The following PDS5B variants were observed in gnomAD, a reference collection of about 807,000 sequenced individuals.
PDS5B encodes the protein sister chromatid cohesion protein PDS5 homolog B.
In PDS5B, 51 loss-of-function variants were observed where a neutral mutation model predicts 184.1. The ratio of observed to expected loss-of-function variants is 0.28; its 90% confidence interval spans 0.22 to 0.35. The LOEUF is 0.35. Among genes scored for constraint, PDS5B ranks in the 10% least tolerant of loss-of-function variants. The probability of loss-of-function intolerance (pLI) is 1.00; values close to 1 mark genes in which losing one functional copy is unlikely to be tolerated. For synonymous variants in PDS5B, 566 were observed against 569.2 expected (o/e 0.99, Z 0.08); for missense variants, 1,180 against 1,723.3 (o/e 0.68, Z 5.58).
intron 18 of PDS5B, among the ~76,000 whole-genome samples, 192 bp downstream of exon 18, chr13:32,707,231 G>C (rs1952052077): frequency 1.3e-5 from 2 of 152,074 alleles, no homozygotes; most frequent in Admixed American, 1.3e-4. Context: ...TTTAAATGCT[G>C]TAATCTAGCC....
At chr13:32,643,070 G>C (rs937740112) in intron 1 of PDS5B, among the ~76,000 whole-genome samples, 2 of 152,166 alleles carry the variant, frequency 1.3e-5, no homozygotes, top group African/African-American at 4.8e-5. Flanking sequence ...TTGTATAGCT[G>C]TGGTCTGTGG....
At chr13:32,635,031 C>A (rs208414) in intron 1 of PDS5B, among the ~76,000 whole-genome samples, 101,227 of 144,092 alleles carry the variant, frequency 0.7, 36,056 homozygotes, top group African/African-American at 0.82. Context: ...TTAAAGAGGC[C>A]GGGCCTTACT....
intron 24 of PDS5B, among the ~76,000 whole-genome samples, chr13:32,747,957 A>G (rs751358892): frequency 2.6e-5 from 4 of 152,216 alleles, no homozygotes; most frequent in South Asian, 4.1e-4. Flanking sequence ...ACTGACTTCT[A>G]AGGACTTCCT....
chr13:32,663,103 AAAC>A lies in PDS5B; in HGVS notation c.624+3829_624+3831del, dbSNP rs759923020. 6.6e-5 allele frequency among the ~76,000 whole-genome samples: 10 copies of A among 152,260 alleles called. No individual in the cohort carries two copies. The East Asian group carries it at 1.3e-3, about 21-fold the overall frequency. On this transcript the variant is annotated intron_variant, in intron 6 of 34. Coordinates refer to ENST00000315596, the MANE Select transcript of PDS5B (RefSeq NM_015032.4). ...CCTATAAAACAAAACTCTTCTTTTC[AAAC>A]AACAATAGCAACGATAATAGCAGCA...
At chr13:32,721,436 C>T (rs1003212106) in intron 19 of PDS5B, among the ~76,000 whole-genome samples, 2 of 151,886 alleles carry the variant, frequency 1.3e-5, no homozygotes, top group Non-Finnish European at 1.5e-5. Flanking sequence ...AGGGGCTCCT[C>T]ACTTCTCAGA....
Position 32,773,191 on chromosome 13 carries a change from G to A in PDS5B, c.4175G>A (p.Arg1392His), listed in dbSNP as rs747642036. ...GTTTTACATGTGTTTTACTCTAGCC[G>A]TGTAGGACGCTCCAAACAAGCAGCT... ...PSPSQPKKNV[R>H]VGRSKQAATK... Residue 1392 changes from arginine to histidine, a missense_variant and splice_region_variant, in exon 34 of 35, where the codon CGT becomes CAT. By Grantham distance (29) the Arg-to-His change is conservative (BLOSUM62 0). Around this residue, in one of 11 missense-constraint regions of PDS5B, gnomAD observed 465 missense variants for 497.8 expected, o/e 0.93. Transcript: ENST00000315596. 7.5e-6 allele frequency: 12 copies of A among 1,610,170 alleles called. No individual in the cohort carries two copies. In the African/African-American group the frequency reaches 1.2e-4, roughly 16 times the overall value.
intron 9 of PDS5B, among the ~76,000 whole-genome samples, chr13:32,678,292 A>T (rs1261327921): frequency 3.9e-5 from 6 of 152,200 alleles, no homozygotes; most frequent in African/African-American, 1.4e-4. Flanking sequence ...TAATGTAAAA[A>T]GTGGCCTTGC....
In PDS5B at chr13:32,587,314, C is replaced by T. The variant is rs970496255; in HGVS notation, c.-20+721C>T. The stretch of plus-strand genomic sequence containing the variant: ...CCACCCCGAGTGGTCCCCGAGCAGC[C>T]AGTTGAGGAAGAGCCCAGCACTGGC... On this transcript the variant is annotated intron_variant, in intron 1 of 34. Transcript: ENST00000315596. Among the ~76,000 whole-genome samples, 105 of 152,192 alleles carry T rather than the reference C, an allele frequency of 6.9e-4. 1 individual carries two copies. The highest frequency in any genetic ancestry group is 2.4e-3 in the African/African-American group (99 of 41,562).
chr13:32,673,960 C>G (rs1593395060), intron 8 of PDS5B, among the ~76,000 whole-genome samples: 1 of 152,044 alleles, frequency 6.6e-6, no homozygotes, highest in South Asian at 2.1e-4. Context: ...GGACTACAGG[C>G]TGTGCCACCA....
chr13:32,686,308 A>C (rs774313500), intron 11 of PDS5B, among the ~76,000 whole-genome samples: 1 of 152,248 alleles, frequency 6.6e-6, no homozygotes, highest in African/African-American at 2.4e-5. Context: ...GATGTACAGA[A>C]TGGACCACTG....
chr13:32,683,857 T>G, intron 10 of PDS5B, 21 bp from the exon 11 acceptor site: 2 of 1,532,204 alleles, frequency 1.3e-6, no homozygotes, highest in Non-Finnish European at 1.8e-6. Context: ...ATTTCCACTG[T>G]AATAAAATGT....
chr13:32,719,767 C>T (rs1360735705), intron 19 of PDS5B, among the ~76,000 whole-genome samples: 1 of 151,054 alleles, frequency 6.6e-6, no homozygotes, highest in African/African-American at 2.5e-5. Context: ...AGGTTAATAC[C>T]TGCAATGTAT....
intron 19 of PDS5B, among the ~76,000 whole-genome samples, chr13:32,722,165 G>A (rs1368328913): frequency 2.0e-5 from 3 of 152,236 alleles, no homozygotes; most frequent in Non-Finnish European, 4.4e-5. Context: ...GACCAGCCCA[G>A]CCAACACGGC....
rs1422279751 is a variant in PDS5B at position 32,588,977 on chromosome 13, C to G, written c.-20+2384C>G. Among the ~76,000 whole-genome samples, 9 of 152,308 alleles carry G rather than the reference C, an allele frequency of 5.9e-5. No individual in the cohort carries two copies. In the South Asian group the frequency reaches 1.9e-3, roughly 32 times the overall value. Reference sequence around the variant, plus strand: ...GGAAGCTGTATTCTTTCTGCTTTACCTCTTGGGAAATTTAGAGACTGCCTT... The same window carrying G: ...GGAAGCTGTATTCTTTCTGCTTTACGTCTTGGGAAATTTAGAGACTGCCTT... On this transcript the variant is annotated intron_variant, in intron 1 of 34. Transcript: ENST00000315596.
At chr13:32,603,573 A>G (rs1197803597) in intron 1 of PDS5B, among the ~76,000 whole-genome samples, 1 of 152,190 alleles carries the variant, frequency 6.6e-6, no homozygotes, top group East Asian at 1.9e-4. Context: ...TGTCTTGGCA[A>G]TGTGGGCTGT....
intron 17 of PDS5B, among the ~76,000 whole-genome samples, chr13:32,701,746 A>C (rs1951868834): frequency 6.6e-6 from 1 of 151,992 alleles, no homozygotes; most frequent in Non-Finnish European, 1.5e-5. Context: ...TTTATCTGTT[A>C]ACGGTATACC....
At chr13:32,621,196 G>A (rs746098210) in intron 1 of PDS5B, among the ~76,000 whole-genome samples, 1 of 152,222 alleles carries the variant, frequency 6.6e-6, no homozygotes, top group African/African-American at 2.4e-5. Flanking sequence ...GGGTGCGGTG[G>A]CTCACGCCTG....
intron 1 of PDS5B, among the ~76,000 whole-genome samples, chr13:32,645,972 ATG>A (rs1287065690): frequency 1.3e-5 from 2 of 148,294 alleles, no homozygotes; most frequent in Non-Finnish European, 3.0e-5. Context: ...TTTCACTTTG[ATG>A]TGTGTGTGTG....
chr13:32,595,749 A>G (rs573530711), intron 1 of PDS5B, among the ~76,000 whole-genome samples: 1 of 152,330 alleles, frequency 6.6e-6, no homozygotes, highest in African/African-American at 2.4e-5. Flanking sequence ...CAAAGGGTCT[A>G]ACAATAGGAT....
Sources: gnomAD v4.1 joint callset for allele counts (sites outside exome capture counted in the v4.1 genomes callset) on GRCh38, gnomAD v4.1.1 for gene constraint, gnomAD v4.1.1 regional missense constraint, MANE v1.5 for transcripts, NCBI Gene and HGNC (gene_info 2026-07-23, HGNC 2026-07-21) for gene names.